PARD3: variants seen among roughly 807,000 people sequenced by gnomAD.
PARD3 encodes the protein par-3 family cell polarity regulator.
Under a neutral mutation model 155.4 loss-of-function variants are expected in PARD3, and 75 were observed. The ratio of observed to expected loss-of-function variants is 0.48; its 90% confidence interval spans 0.40 to 0.58. The LOEUF (loss-of-function observed/expected upper bound fraction) is 0.58, where lower values mean the gene tolerates loss of function less well. Ranked by LOEUF, PARD3 falls within the 20% of genes least tolerant of loss-of-function variation. The probability of loss-of-function intolerance (pLI) is 0.00; values close to 1 mark genes in which losing one functional copy is unlikely to be tolerated. For synonymous variants in PARD3, 576 were observed against 610.5 expected (o/e 0.94, Z 0.83); for missense variants, 1,642 against 1,721.7 (o/e 0.95, Z 0.82).
At chr10:34,408,295 GTAAA>G (rs1844704797) in intron 5 of PARD3, among the ~76,000 whole-genome samples, 3 of 151,650 alleles carry the variant, frequency 2.0e-5, no homozygotes, top group Admixed American at 6.6e-5. Context: ...ATTCATAACA[GTAAA>G]TAAAATATTT....
At chr10:34,449,430 C>T (rs2132770311) in intron 5 of PARD3, among the ~76,000 whole-genome samples, 1 of 126,598 alleles carries the variant, frequency 7.9e-6, no homozygotes, top group East Asian at 2.4e-4. Context: ...AAAAAAAAAA[C>T]ACTGAAATAA....
chr10:34,252,568 G>A (rs1311919124), intron 22 of PARD3, among the ~76,000 whole-genome samples: 1 of 152,148 alleles, frequency 6.6e-6, no homozygotes, highest in Non-Finnish European at 1.5e-5. Flanking sequence ...AAAGGGAAAT[G>A]GCAGCGGCCC....
At chr10:34,535,557 G>C (rs1209242588) in intron 2 of PARD3, among the ~76,000 whole-genome samples, 2 of 152,106 alleles carry the variant, frequency 1.3e-5, no homozygotes, top group Non-Finnish European at 2.9e-5. Flanking sequence ...CGCAATCTTA[G>C]CTCACTGCAA....
intron 1 of PARD3, among the ~76,000 whole-genome samples, chr10:34,706,154 AT>A (rs973815061): frequency 1.3e-4 from 20 of 152,320 alleles, no homozygotes; most frequent in African/African-American, 4.3e-4. Context: ...TCTGCACTGC[AT>A]TTTACAATTT....
At chr10:34,274,243 G>C (rs1050916461) in intron 21 of PARD3, among the ~76,000 whole-genome samples, 4 of 152,112 alleles carry the variant, frequency 2.6e-5, no homozygotes, top group African/African-American at 9.7e-5. Flanking sequence ...GTCAAATTTA[G>C]CTAAAATTCT....
intron 9 of PARD3, among the ~76,000 whole-genome samples, chr10:34,382,105 G>A (rs1433081203): frequency 6.6e-6 from 1 of 152,074 alleles, no homozygotes; most frequent in African/African-American, 2.4e-5. Context: ...ATCAAATACT[G>A]AGATTGACGT....
intron 1 of PARD3, among the ~76,000 whole-genome samples, chr10:34,704,694 A>T (rs928000499): frequency 6.6e-6 from 1 of 152,246 alleles, no homozygotes; most frequent in African/African-American, 2.4e-5. Context: ...GCTCTTTTTC[A>T]TAACAATCCT....
chr10:34,782,107 A>AT (rs146363184), intron 1 of PARD3, among the ~76,000 whole-genome samples: 5,636 of 152,204 alleles, frequency 0.037, 356 homozygotes, highest in African/African-American at 0.13. Flanking sequence ...ACCATCTGTA[A>AT]TTTTTTTCTT....
chr10:34,352,939 G>T (rs1338558478), intron 14 of PARD3, among the ~76,000 whole-genome samples: 3 of 151,638 alleles, frequency 2.0e-5, no homozygotes, highest in Non-Finnish European at 4.4e-5. Context: ...GAGATGTGGG[G>T]AGCGCCTCTG....
intron 2 of PARD3, among the ~76,000 whole-genome samples, chr10:34,654,332 C>T (rs1003492641): frequency 6.6e-6 from 1 of 152,130 alleles, no homozygotes; most frequent in Non-Finnish European, 1.5e-5. Context: ...CCCATGCAAT[C>T]GGTACAATTG....
At chr10:34,322,553 T>A (rs1958443948) in intron 19 of PARD3, among the ~76,000 whole-genome samples, 1 of 152,202 alleles carries the variant, frequency 6.6e-6, no homozygotes, top group African/African-American at 2.4e-5. Context: ...AATTTAGCAG[T>A]AAATATCATT....
intron 22 of PARD3, among the ~76,000 whole-genome samples, chr10:34,215,660 T>C (rs968986144): frequency 6.6e-6 from 1 of 152,212 alleles, no homozygotes; most frequent in Non-Finnish European, 1.5e-5. Flanking sequence ...TACATAAACA[T>C]AGGCTTAACT....
At chr10:34,786,845 T>C (rs562661895) in intron 1 of PARD3, among the ~76,000 whole-genome samples, 11 of 152,344 alleles carry the variant, frequency 7.2e-5, no homozygotes, top group African/African-American at 1.4e-4. Flanking sequence ...GATTTGGTTT[T>C]TGGAAGGCCA....
chr10:34,236,683 C>CAGAT (rs1564507766), intron 22 of PARD3, among the ~76,000 whole-genome samples: 2 of 152,120 alleles, frequency 1.3e-5, no homozygotes. Flanking sequence ...AAAACGTTAA[C>CAGAT]AGATGTCCAA....
At chr10:34,254,386 AAAACAAAAACAAAAAC>A in intron 22 of PARD3, among the ~76,000 whole-genome samples, 2 of 89,864 alleles carry the variant, frequency 2.2e-5, no homozygotes, top group African/African-American at 1.5e-4. Context: ...CTCAAAAACA[AAAACAAAAACAAAAAC>A]AAAAACAAAC....
At chr10:34,161,785 T>A (rs1208555588) in intron 22 of PARD3, among the ~76,000 whole-genome samples, 1 of 152,200 alleles carries the variant, frequency 6.6e-6, no homozygotes. Context: ...ATGCCCTATA[T>A]CTGTGACTTC....
At chr10:34,767,517 C>T (rs1307315598) in intron 1 of PARD3, among the ~76,000 whole-genome samples, 1 of 152,066 alleles carries the variant, frequency 6.6e-6, no homozygotes, top group East Asian at 1.9e-4. Flanking sequence ...ATTAATTGAG[C>T]TAATGAGAGG....
chr10:34,523,857 G>A (rs759470674), intron 2 of PARD3, among the ~76,000 whole-genome samples: 7 of 151,854 alleles, frequency 4.6e-5, no homozygotes, highest in African/African-American at 7.3e-5. Flanking sequence ...ATCACTTTTC[G>A]TCTCCATAGT....
At chr10:34,801,112 C>T (rs376606973) in intron 1 of PARD3, among the ~76,000 whole-genome samples, 7 of 152,158 alleles carry the variant, frequency 4.6e-5, no homozygotes, top group Admixed American at 1.3e-4. Flanking sequence ...CTTCCATTAG[C>T]AAAGCACAAA....
Sources: gnomAD v4.1 joint callset for allele counts (sites outside exome capture counted in the v4.1 genomes callset) on GRCh38, gnomAD v4.1.1 for gene constraint, MANE v1.5 for transcripts, NCBI Gene and HGNC (gene_info 2026-07-23, HGNC 2026-07-21) for gene names.